The following QSOX1 variants were observed in gnomAD, a reference collection of about 807,000 sequenced individuals.
The protein encoded by QSOX1 is sulfhydryl oxidase 1.
Under a neutral mutation model 76.1 loss-of-function variants are expected in QSOX1, and 40 were observed. That is an observed-to-expected ratio of 0.53 (90% CI 0.41 to 0.68). QSOX1 has a LOEUF of 0.68. Ranked by LOEUF, QSOX1 falls within the 30% of genes least tolerant of loss-of-function variation. The probability of loss-of-function intolerance (pLI) is 0.00; values close to 1 mark genes in which losing one functional copy is unlikely to be tolerated. For synonymous variants in QSOX1, 392 were observed against 413.1 expected (o/e 0.95, Z 0.62); for missense variants, 931 against 974.3 (o/e 0.96, Z 0.59).
At chr1:180,179,011 C>A in intron 5 of QSOX1, 127 bp downstream of exon 5, 1 of 763,276 alleles carries the variant, frequency 1.3e-6, no homozygotes, top group Non-Finnish European at 2.2e-6. Flanking sequence ...TGGCATTGGC[C>A]TGACCCCTGC....
intron 1 of QSOX1, among the ~76,000 whole-genome samples, chr1:180,165,174 T>C (rs1662586130): frequency 6.6e-6 from 1 of 152,232 alleles, no homozygotes; most frequent in African/African-American, 2.4e-5. Flanking sequence ...CTGCTAAAAC[T>C]GTGACTATCA....
intron 7 of QSOX1, among the ~76,000 whole-genome samples, chr1:180,184,264 G>A (rs1410470791): frequency 6.6e-6 from 1 of 152,236 alleles, no homozygotes; most frequent in East Asian, 1.9e-4. Flanking sequence ...TCTGGTGTCT[G>A]TTGCGGGGCC....
intron 1 of QSOX1, among the ~76,000 whole-genome samples, chr1:180,159,940 T>C (rs879485365): frequency 5.9e-5 from 9 of 152,208 alleles, no homozygotes; most frequent in Non-Finnish European, 7.3e-5. Context: ...TCAGTAATCA[T>C]CGTTTTGGGT....
intron 2 of QSOX1, among the ~76,000 whole-genome samples, chr1:180,170,516 C>T (rs552168702): frequency 7.4e-4 from 113 of 152,266 alleles, no homozygotes; most frequent in Middle Eastern, 3.4e-3. Context: ...TCCATAGTTT[C>T]GTGAAGACCA....
In QSOX1 at chr1:180,189,544, C is replaced by T. The variant is rs772697986; in HGVS notation, c.1018-8C>T. 99 of 1,584,550 alleles carry T rather than the reference C, an allele frequency of 6.2e-5. No homozygotes were observed. Among genetic ancestry groups the T allele is most frequent in the Non-Finnish European group, 8.4e-5 (97 of 1,161,162 alleles). ...CACTCTCCAGCTTCCGCTTGTTCCT[C>T]CCCACAGTATTTCCCTGGCCGGCCC... On this transcript the variant is annotated splice_region_variant and splice_polypyrimidine_tract_variant and intron_variant, in intron 8 of 11. Coordinates refer to ENST00000367602, the MANE Select transcript of QSOX1 (RefSeq NM_002826.5).
At chr1:180,180,167 C>T (rs942402046) in intron 5 of QSOX1, among the ~76,000 whole-genome samples, 9 of 152,230 alleles carry the variant, frequency 5.9e-5, no homozygotes, top group Non-Finnish European at 1.3e-4. Context: ...CACTTCTAAG[C>T]CTCAGTTTCT....
chr1:180,175,209 G>T, intron 2 of QSOX1, 112 bp from the exon 3 acceptor site: 2 of 944,888 alleles, frequency 2.1e-6, no homozygotes, highest in African/African-American at 1.6e-5. Flanking sequence ...AACATTAAGT[G>T]ATTTGCCCAG....
At chr1:180,185,164 A>G (rs1355851456) in intron 7 of QSOX1, among the ~76,000 whole-genome samples, 2 of 152,212 alleles carry the variant, frequency 1.3e-5, no homozygotes, top group Admixed American at 6.5e-5. Flanking sequence ...ATAGGCAGCC[A>G]CAATGCGTAC....
chr1:180,182,470 C>A, intron 6 of QSOX1, 151 bp downstream of exon 6: 2 of 1,091,652 alleles, frequency 1.8e-6, no homozygotes, highest in Non-Finnish European at 2.7e-6. Context: ...GTCTGCGGGG[C>A]CAGCGCCTCC....
chr1:180,166,661 T>C (rs1302268150), intron 2 of QSOX1, 70 bp downstream of exon 2: 12 of 1,450,956 alleles, frequency 8.3e-6, no homozygotes, highest in African/African-American at 1.4e-5. Flanking sequence ...AAAGGGACCA[T>C]GTGGGATGTG....
chr1:180,190,929 C>T (rs1451339914), intron 10 of QSOX1, among the ~76,000 whole-genome samples: 1 of 152,126 alleles, frequency 6.6e-6, no homozygotes. Context: ...TTTTTATACT[C>T]TTAACAAAGA....
rs1290487244 is a variant in QSOX1 at position 180,198,413 on chromosome 1, G to A, written c.*1376G>A. On this transcript the variant is annotated 3_prime_UTR_variant, in exon 12 of 12. Transcript: ENST00000367602. ...GGGAGGAGTCAGCCAGGATTAGAGA[G>A]CCTGCCCCTAATCCGGCCTGCTGGG... 2.2e-6 allele frequency: 1 copy of A among 456,364 alleles called. No individual in the cohort carries two copies. The highest frequency in any genetic ancestry group is 4.4e-6 in the Non-Finnish European group (1 of 226,668). 28.3% of individuals were successfully genotyped at this position (456,364 alleles called of 1,614,324 possible).
Sources: allele counts gnomAD v4.1 joint callset (sites outside exome capture counted in the v4.1 genomes callset), GRCh38; gene constraint gnomAD v4.1.1; transcripts MANE v1.5; gene names NCBI Gene and HGNC (gene_info 2026-07-23, HGNC 2026-07-21).